Variants in CLASP1 observed in about 807,000 individuals in gnomAD.
CLASP1 encodes cytoplasmic linker associated protein 1.
In CLASP1, 38 loss-of-function variants were observed where a neutral mutation model predicts 192.3. The ratio of observed to expected loss-of-function variants is 0.20; its 90% CI spans 0.15 to 0.26. The LOEUF (loss-of-function observed/expected upper bound fraction) is 0.26, where lower values mean the gene tolerates loss of function less well. CLASP1 is among the 10% of genes least tolerant of loss of function. CLASP1 has a pLI of 1.00. For synonymous variants in CLASP1, 691 were observed against 712.8 expected, an observed-to-expected ratio of 0.97 and a Z score of 0.49; for missense variants, 1,433 against 1,932.5, an observed-to-expected ratio of 0.74 and a Z score of 4.85.
At chr2:121,634,641 G>C (rs2070449408) in intron 1 of CLASP1, among the ~76,000 whole-genome samples, 1 of 152,146 alleles carries the variant, frequency 6.6e-6, no homozygotes, top group African/African-American at 2.4e-5. Context: ...TGAAAAGAAA[G>C]ACAGAATGGC....
In CLASP1 at chr2:121,343,514, G is replaced by A. The variant is rs571779798; in HGVS notation, c.4531-2567C>T. 3.3e-5 allele frequency among the ~76,000 whole-genome samples: 5 copies of A among 152,292 alleles called. No individual in the cohort carries two copies. In the South Asian group the frequency reaches 1.0e-3, roughly 32 times the overall value. Reference sequence around the variant, plus strand: ...AAGGAAGGAAATTCTGACAAATGCTGCAACATGGATAAGCCCTGAGGACAT... The same window carrying A: ...AAGGAAGGAAATTCTGACAAATGCTACAACATGGATAAGCCCTGAGGACAT... On this transcript the variant is annotated intron_variant, in intron 39 of 39. Coordinates refer to ENST00000263710, the Ensembl canonical transcript of CLASP1.
At chr2:121,606,563 T>TTAC (rs1323243381) in intron 1 of CLASP1, among the ~76,000 whole-genome samples, 3 of 152,218 alleles carry the variant, frequency 2.0e-5, no homozygotes, top group African/African-American at 7.2e-5. Flanking sequence ...GTACTGCAGC[T>TTAC]TACTGCCTTA....
At chr2:121,349,860 T>G (rs1017336598) in intron 37 of CLASP1, among the ~76,000 whole-genome samples, 1 of 152,150 alleles carries the variant, frequency 6.6e-6, no homozygotes, top group Non-Finnish European at 1.5e-5. Context: ...GCAGAAGGCC[T>G]GGTGGAAAGA....
At chr2:121,473,529 G>A (rs1367056889) in intron 8 of CLASP1, among the ~76,000 whole-genome samples, 1 of 152,154 alleles carries the variant, frequency 6.6e-6, no homozygotes, top group East Asian at 1.9e-4. Flanking sequence ...CAGGCCTGCA[G>A]GACGAGGGGA....
chr2:121,452,982 T>C (rs533780838), intron 14 of CLASP1, among the ~76,000 whole-genome samples: 166 of 152,104 alleles, frequency 1.1e-3, no homozygotes, highest in Non-Finnish European at 1.9e-3. Context: ...TTATAATCCA[T>C]ACACAATCAC....
intron 37 of CLASP1, among the ~76,000 whole-genome samples, chr2:121,356,920 C>T (rs1053646021): frequency 6.6e-6 from 1 of 150,856 alleles, no homozygotes; most frequent in Non-Finnish European, 1.5e-5. Flanking sequence ...GGGCTGGGAG[C>T]CCAGGAGGTG....
At chr2:121,545,379 G>C (rs2095310139) in intron 2 of CLASP1, among the ~76,000 whole-genome samples, 1 of 151,942 alleles carries the variant, frequency 6.6e-6, no homozygotes, top group South Asian at 2.1e-4. Context: ...CGGGGGTGGG[G>C]CGGGCACGGA....
At chr2:121,548,034 C>T (rs1468501501) in intron 2 of CLASP1, among the ~76,000 whole-genome samples, 1 of 152,190 alleles carries the variant, frequency 6.6e-6, no homozygotes, top group Non-Finnish European at 1.5e-5. Context: ...AACAACCACA[C>T]CAGTTCTCCA....
intron 6 of CLASP1, among the ~76,000 whole-genome samples, chr2:121,516,572 G>A (rs1023013463): frequency 6.6e-6 from 1 of 152,154 alleles, no homozygotes; most frequent in Admixed American, 6.5e-5. Context: ...TGAGAGACAG[G>A]GTAGACTTTT....
At chr2:121,618,349 G>A (rs1020233422) in intron 1 of CLASP1, among the ~76,000 whole-genome samples, 6 of 152,184 alleles carry the variant, frequency 3.9e-5, no homozygotes, top group Admixed American at 3.3e-4. Flanking sequence ...TAGAGGTAAG[G>A]GAGAAGGTAG....
intron 1 of CLASP1, among the ~76,000 whole-genome samples, chr2:121,630,163 A>G (rs933740956): frequency 6.6e-6 from 1 of 151,288 alleles, no homozygotes; most frequent in African/African-American, 2.4e-5. Context: ...CAAGCGATCC[A>G]CCCGCCTCCG....
intron 2 of CLASP1, among the ~76,000 whole-genome samples, chr2:121,599,552 C>T (rs562116746): frequency 5.8e-5 from 8 of 138,390 alleles, no homozygotes; most frequent in African/African-American, 2.2e-4. Context: ...TGCACCACTG[C>T]ACTCCAGCCT....
intron 35 of CLASP1, 22 bp downstream of exon 36, chr2:121,367,566 A>G (rs1217843339): frequency 6.2e-7 from 1 of 1,613,654 alleles, no homozygotes; most frequent in Non-Finnish European, 8.5e-7. Context: ...GGGTGGGGAC[A>G]GTTAAGAAAA....
At chr2:121,606,263 G>A (rs1409697165) in intron 1 of CLASP1, 83 bp from the exon 2 acceptor site, 1 of 357,870 alleles carries the variant, frequency 2.8e-6, no homozygotes, top group East Asian at 4.1e-5. Flanking sequence ...CAAAGACAAA[G>A]CAATTCATGC....
chr2:121,557,009 A>T (rs541585908), intron 2 of CLASP1, among the ~76,000 whole-genome samples: 29 of 152,212 alleles, frequency 1.9e-4, no homozygotes, highest in Non-Finnish European at 3.7e-4. Context: ...TAATCGGGGC[A>T]ACTGTCTACA....
intron 2 of CLASP1, among the ~76,000 whole-genome samples, chr2:121,559,904 A>G (rs2058930423): frequency 6.6e-6 from 1 of 152,206 alleles, no homozygotes; most frequent in Non-Finnish European, 1.5e-5. Context: ...TATCATCATC[A>G]TCATTACAAT....
At chr2:121,526,330 C>T (rs1027986899) in intron 5 of CLASP1, among the ~76,000 whole-genome samples, 1 of 152,232 alleles carries the variant, frequency 6.6e-6, no homozygotes, top group Admixed American at 6.5e-5. Flanking sequence ...GCTAGACATT[C>T]AGGCAACACC....
At chr2:121,587,661 T>A (rs924709802) in intron 2 of CLASP1, among the ~76,000 whole-genome samples, 1 of 150,852 alleles carries the variant, frequency 6.6e-6, no homozygotes, top group African/African-American at 2.4e-5. Flanking sequence ...TGAAACCCCA[T>A]CTCTACCACA....
intron 5 of CLASP1, among the ~76,000 whole-genome samples, chr2:121,527,385 ATATTG>A (rs1398488500): frequency 1.3e-5 from 2 of 152,250 alleles, no homozygotes; most frequent in African/African-American, 4.8e-5. Context: ...AAAAGGTTAC[ATATTG>A]TATAATTCCA....
Sources: gnomAD v4.1 joint callset for allele counts (sites outside exome capture counted in the v4.1 genomes callset) on GRCh38, gnomAD v4.1.1 for gene constraint, MANE v1.5 for transcripts, NCBI Gene and HGNC (gene_info 2026-07-23, HGNC 2026-07-21) for gene names.